Variants in PPEF1 observed in about 807,000 individuals in gnomAD.
PPEF1 encodes serine/threonine-protein phosphatase with EF-hands 1.
PPEF1 carries 12 observed loss-of-function variants against 53.3 expected under a neutral mutation model. The observed-to-expected ratio is 0.23, with a 90% CI of 0.14 to 0.36. The LOEUF is 0.36. PPEF1 is among the 10% of genes least tolerant of loss of function. The pLI, the probability that PPEF1 is intolerant of heterozygous loss-of-function variation, is 1.00. For missense variants in PPEF1, 334 were observed against 490.4 expected (o/e 0.68, Z 3.01); for synonymous variants, 165 against 176.7 (o/e 0.93, Z 0.52).
intron 1 of PPEF1, 74 bp downstream of exon 1, chrX:18,707,900 C>G (rs2044235709): frequency 1.0e-6 from 1 of 959,388 alleles, no homozygotes; most frequent in African/African-American, 1.9e-5. Context: ...CTTCTCCTTT[C>G]TCATTTACTC....
chrX:18,798,570 A>G (rs2046479417), intron 10 of PPEF1, among the ~76,000 whole-genome samples: 1 of 111,290 alleles, frequency 9.0e-6, no homozygotes, highest in South Asian at 3.8e-4. Context: ...GTGGACAGGG[A>G]GCAGGAGGAA....
chrX:18,820,631 C>T (rs895493757), intron 13 of PPEF1, among the ~76,000 whole-genome samples: 2 of 110,642 alleles, frequency 1.8e-5, no homozygotes, highest in South Asian at 3.8e-4. Context: ...GTGATCCACC[C>T]GCCTTGGCCT....
Position 18,733,794 on chromosome X carries a change from A to C in PPEF1, c.221A>C (p.His74Pro). ...ATGTTGGAAAACTACACACATATAC[A>C]TAAGGAAGAGCTAGGTAAGTAAAAA... ...SFMLENYTHI[H>P]KEELELRNQS... Residue 74 changes from histidine to proline, a missense_variant, in exon 3 of 16, where the codon CAT becomes CCT. His to Pro is a moderately conservative substitution (Grantham distance 77). Coordinates refer to ENST00000470157, the MANE Select transcript of PPEF1 (RefSeq NM_001377996.1). 8.4e-7 allele frequency: 1 copy of C among 1,185,252 alleles called. No homozygotes were observed. Among genetic ancestry groups the C allele is most frequent in the Non-Finnish European group, 1.1e-6 (1 of 882,376 alleles).
intron 1 of PPEF1, among the ~76,000 whole-genome samples, chrX:18,708,605 T>A (rs763711811): frequency 5.3e-4 from 60 of 112,366 alleles, no homozygotes; most frequent in Non-Finnish European, 8.8e-4. Context: ...CCAACTTCTA[T>A]TCCACGTCTT....
At chrX:18,766,892 A>G (rs1175499520) in intron 6 of PPEF1, among the ~76,000 whole-genome samples, 4 of 74,667 alleles carry the variant, frequency 5.4e-5, no homozygotes, top group East Asian at 6.5e-4. Flanking sequence ...TCTACTAAAT[A>G]CAAAAAAAAA....
chrX:18,707,580 A>T (rs1331673553), upstream of PPEF1: 2 of 397,368 alleles, frequency 5.0e-6, no homozygotes, highest in East Asian at 8.1e-5. Flanking sequence ...GCGTAAAATG[A>T]ATCCTGCTGA....
intron 13 of PPEF1, among the ~76,000 whole-genome samples, chrX:18,819,194 T>A (rs1372492969): frequency 8.9e-6 from 1 of 111,870 alleles, no homozygotes; most frequent in East Asian, 2.8e-4. Flanking sequence ...AAACAACAAT[T>A]ATTTCCCCGA....
intron 6 of PPEF1, among the ~76,000 whole-genome samples, chrX:18,769,894 G>T (rs2045840439): frequency 8.9e-6 from 1 of 112,048 alleles, no homozygotes; most frequent in African/African-American, 3.2e-5. Flanking sequence ...ATAATTTCCA[G>T]ATGTCTGTTG....
intron 6 of PPEF1, among the ~76,000 whole-genome samples, chrX:18,770,523 CAT>C (rs746613955): frequency 5.1e-4 from 57 of 111,661 alleles, no homozygotes; most frequent in Admixed American, 1.8e-3. Context: ...CTCTTGAAGA[CAT>C]GTGAGATTCT....
intron 3 of PPEF1, chrX:18,688,746 G>A (rs1929200257): frequency 8.9e-6 from 1 of 112,327 alleles, no homozygotes; most frequent in Non-Finnish European, 1.9e-5. Context: ...ATACATTTTA[G>A]GGAGACATGA....
chrX:18,723,662 A>ATAT (rs2044639011), intron 1 of PPEF1, among the ~76,000 whole-genome samples: 1 of 111,962 alleles, frequency 8.9e-6, no homozygotes, highest in African/African-American at 3.2e-5. Context: ...ACCCATACAC[A>ATAT]TATAACTGTA....
chrX:18,675,641 A>G (rs1001148029), upstream of PPEF1, among the ~76,000 whole-genome samples: 5 of 112,320 alleles, frequency 4.5e-5, no homozygotes, highest in Admixed American at 1.9e-4. Context: ...CCACCCGTCT[A>G]TGGCTTCCAG....
upstream of PPEF1, among the ~76,000 whole-genome samples, chrX:18,678,038 G>C (rs1331883029): frequency 9.4e-6 from 1 of 106,796 alleles, no homozygotes; most frequent in Admixed American, 1.0e-4. Flanking sequence ...AGTGAGGCGG[G>C]CAGAATCCCT....
At chrX:18,711,075 TA>T (rs1443845132) in intron 1 of PPEF1, among the ~76,000 whole-genome samples, 1 of 74,546 alleles carries the variant, frequency 1.3e-5, no homozygotes, top group Non-Finnish European at 2.5e-5. Flanking sequence ...TATATGTATA[TA>T]TATGTGTGTG....
intron 1 of PPEF1, among the ~76,000 whole-genome samples, chrX:18,711,952 A>T (rs951043522): frequency 9.0e-6 from 1 of 110,834 alleles, no homozygotes; most frequent in Non-Finnish European, 1.9e-5. Context: ...ACGGGGTTTC[A>T]CCATGTTGGC....
chrX:18,805,275 C>T (rs975635940), intron 11 of PPEF1, among the ~76,000 whole-genome samples: 12 of 111,168 alleles, frequency 1.1e-4, no homozygotes, highest in African/African-American at 3.6e-4. Flanking sequence ...TTAGCCACCG[C>T]GCCTGGCCTG....
intron 12 of PPEF1, among the ~76,000 whole-genome samples, chrX:18,816,208 T>A (rs752354786): frequency 8.9e-6 from 1 of 111,994 alleles, no homozygotes; most frequent in South Asian, 3.7e-4. Flanking sequence ...TTTTCACTCA[T>A]CTTAAAAGTA....
At chrX:18,677,797 G>A (rs1928730067) in intron 1 of PPEF1, among the ~76,000 whole-genome samples, 1 of 111,522 alleles carries the variant, frequency 9.0e-6, no homozygotes, top group Admixed American at 9.5e-5. Flanking sequence ...ATTGTAGGAT[G>A]TTTTGCAGCA....
At chrX:18,809,133 A>G (rs918818819) in intron 12 of PPEF1, among the ~76,000 whole-genome samples, 13 of 108,685 alleles carry the variant, frequency 1.2e-4, no homozygotes, top group Non-Finnish European at 2.3e-4. Context: ...CTATCTATCT[A>G]TCTATCTAGT....
Sources: allele counts gnomAD v4.1 joint callset (sites outside exome capture counted in the v4.1 genomes callset), GRCh38; gene constraint gnomAD v4.1.1; transcripts MANE v1.5; gene names NCBI Gene and HGNC (gene_info 2026-07-23, HGNC 2026-07-21).